LRTM3: variants seen among roughly 807,000 people sequenced by gnomAD.
LRTM3 encodes leucine-rich repeat transmembrane protein 3.
the LRTM3 span, chr13:102,732,426 A>G: frequency 1.4e-5 from 21 of 1,551,252 alleles, no homozygotes; most frequent in Non-Finnish European, 1.7e-5. Flanking sequence ...TTGGTGCTCA[A>G]TTCTCTTTTC....
At chr13:102,746,483 C>G in the LRTM3 span, 2 of 1,551,060 alleles carry the variant, frequency 1.3e-6, no homozygotes, top group Non-Finnish European at 1.7e-6. Flanking sequence ...AGGTACCAAT[C>G]CTTTAGTTTG....
At chr13:102,746,908 C>T in the LRTM3 span, 3 of 1,551,206 alleles carry the variant, frequency 1.9e-6, no homozygotes, top group Non-Finnish European at 2.6e-6. Context: ...GAGTACTCTT[C>T]ACATTCTCAG....
chr13:102,735,084 G>C, the LRTM3 span: 5 of 1,551,206 alleles, frequency 3.2e-6, no homozygotes, highest in South Asian at 1.2e-5. Flanking sequence ...GATCTAGAAG[G>C]ACTCTTAGAC....
the LRTM3 span, chr13:102,758,559 G>C: frequency 1.3e-6 from 2 of 1,547,946 alleles, no homozygotes; most frequent in Non-Finnish European, 1.7e-6. Context: ...TCCTGCTTTT[G>C]GGGCAACTGT....
the LRTM3 span, chr13:102,745,515 C>T: frequency 1.8e-5 from 28 of 1,550,862 alleles, no homozygotes; most frequent in Non-Finnish European, 2.4e-5. Flanking sequence ...CGTTTCGGAC[C>T]AGCACCAGCC....
the LRTM3 span, chr13:102,733,911 T>C: frequency 1.1e-4 from 175 of 1,551,264 alleles, no homozygotes; most frequent in East Asian, 3.2e-3. Context: ...CTATTTGTTA[T>C]TTTCTGGGTA....
chr13:102,737,500 C>A, the LRTM3 span: 1 of 1,550,574 alleles, frequency 6.4e-7, no homozygotes, highest in South Asian at 1.2e-5. Flanking sequence ...TTTCTCCATC[C>A]CTGTTCCCTT....
At chr13:102,733,300 G>C in the LRTM3 span, 18 of 1,551,188 alleles carry the variant, frequency 1.2e-5, no homozygotes, top group Non-Finnish European at 1.6e-5. Flanking sequence ...CTAACACTTT[G>C]GGAGAAAACA....
the LRTM3 span, chr13:102,742,972 G>T: frequency 6.5e-7 from 1 of 1,540,364 alleles, no homozygotes; most frequent in Admixed American, 2.0e-5. Context: ...TTCCATTTTT[G>T]TTTTTTTCTA....
chr13:102,731,314 A>C, the LRTM3 span: 1 of 1,551,412 alleles, frequency 6.4e-7, no homozygotes, highest in Non-Finnish European at 8.7e-7. Flanking sequence ...TTTTATGTCT[A>C]GAATAGAACC....
At chr13:102,737,095 ATT>A in the LRTM3 span, 2 of 1,551,182 alleles carry the variant, frequency 1.3e-6, no homozygotes, top group Non-Finnish European at 1.7e-6. Context: ...TGCCAGGGAT[ATT>A]GAGTGTATGT....
chr13:102,732,989 G>A, the LRTM3 span: 45 of 1,551,314 alleles, frequency 2.9e-5, no homozygotes, highest in Non-Finnish European at 3.8e-5. Flanking sequence ...AATGAGCAAT[G>A]CCTGCTTCCT....
chr13:102,739,893 G>C, the LRTM3 span: 3 of 1,550,168 alleles, frequency 1.9e-6, no homozygotes, highest in East Asian at 7.3e-5. Context: ...ATGTTCCACT[G>C]CATTTCTAGT....
chr13:102,739,359 T>G, the LRTM3 span: 1 of 1,549,948 alleles, frequency 6.5e-7, no homozygotes, highest in African/African-American at 1.4e-5. Context: ...ATTACATTAC[T>G]TAAACTGTCT....
At chr13:102,732,281 A>C in the LRTM3 span, 1 of 1,551,364 alleles carries the variant, frequency 6.4e-7, no homozygotes, top group Non-Finnish European at 8.7e-7. Flanking sequence ...TATTCCTGAG[A>C]CATCTTTACT....
At chr13:102,752,182 C>A in the LRTM3 span, among the ~76,000 whole-genome samples, 1 of 152,156 alleles carries the variant, frequency 6.6e-6, no homozygotes, top group South Asian at 2.1e-4. Context: ...CTTTTGATGT[C>A]AGAGGACCAA....
chr13:102,735,758 T>A, the LRTM3 span: 7 of 1,546,794 alleles, frequency 4.5e-6, no homozygotes, highest in Non-Finnish European at 5.2e-6. Flanking sequence ...ATCTGATGAA[T>A]CCTGAATCTT....
chr13:102,738,008 T>A, the LRTM3 span: 1 of 1,550,518 alleles, frequency 6.4e-7, no homozygotes, highest in Non-Finnish European at 8.7e-7. Context: ...TTGCTCTTTG[T>A]CTTCTCTATC....
chr13:102,741,703 T>G, the LRTM3 span: 1 of 1,550,396 alleles, frequency 6.4e-7, no homozygotes, highest in East Asian at 2.4e-5. Flanking sequence ...TCTGTCCTTT[T>G]GAGTTTAGTG....
Sources: gnomAD v4.1 joint callset for allele counts (sites outside exome capture counted in the v4.1 genomes callset) on GRCh38, gnomAD v4.1.1 for gene constraint, MANE v1.5 for transcripts, NCBI Gene and HGNC (gene_info 2026-07-23, HGNC 2026-07-21) for gene names.